KLHL15: variants seen among roughly 807,000 people sequenced by gnomAD.
KLHL15 encodes the protein kelch-like protein 15.
KLHL15 carries 1 observed loss-of-function variant against 29.3 expected under a neutral mutation model. The ratio of observed to expected loss-of-function variants is 0.03; its 90% CI spans 0.01 to 0.16. KLHL15 has a LOEUF of 0.16. KLHL15 is among the 10% of genes least tolerant of loss of function. The probability of loss-of-function intolerance (pLI) is 1.00; values close to 1 mark genes in which losing one functional copy is unlikely to be tolerated. For missense variants in KLHL15, 215 were observed against 478.5 expected, an observed-to-expected ratio of 0.45 and a Z score of 5.14; for synonymous variants, 212 against 184.5, an observed-to-expected ratio of 1.15 and a Z score of -1.21.
At position 24,006,012 on chromosome X, in the gene KLHL15, T is replaced by A. The variant is rs1336250388; in HGVS notation, c.682A>T (p.Thr228Ser). 1 of 1,209,789 alleles carries A rather than the reference T, an allele frequency of 8.3e-7. No individual in the cohort carries two copies. Among genetic ancestry groups the A allele is most frequent in the East Asian group, 3.0e-5 (1 of 33,840 alleles). ...IIQNIRFCLM[T>S]PTSVFEKVKT... ...ACCTTCTCAAAAACGCTGGTTGGGGTCATCAAGCAAAACCGGATATTCTGA... is the reference window on the plus strand; with the variant it reads ...ACCTTCTCAAAAACGCTGGTTGGGGACATCAAGCAAAACCGGATATTCTGA... Residue 228 changes from threonine (T) to serine (S), a missense_variant, in exon 3 of 4, where the codon ACC becomes TCC. Transcript: ENST00000328046.
Position 24,006,729 on chromosome X carries a change from A to G in KLHL15, c.-7-29T>C, listed in dbSNP as rs1929451509. The G allele has an allele frequency of 2.9e-6, 3 of 1,031,952 alleles. No individual in the cohort carries two copies. The East Asian group carries it at 9.6e-5, about 33-fold the overall frequency. 85.0% of individuals were successfully genotyped at this position (1,031,952 alleles called of 1,213,427 possible). ...GAAAAAAATCAAAGACAACAATGTT[A>G]AACACTTCCATGCATTCAGAAGAAA... On this transcript the variant is annotated intron_variant, in intron 2 of 3. Transcript: ENST00000328046.
At chrX:24,002,215 T>C (rs1199654839) in intron 3 of KLHL15, among the ~76,000 whole-genome samples, 1 of 112,289 alleles carries the variant, frequency 8.9e-6, no homozygotes, top group Non-Finnish European at 1.9e-5. Context: ...CATAAAATGT[T>C]TTCAATAAAA....
At chrX:24,024,792 G>A (rs1266735548) in intron 2 of KLHL15, 65 bp downstream of exon 2, 1 of 296,717 alleles carries the variant, frequency 3.4e-6, no homozygotes, top group Non-Finnish European at 5.9e-6. Flanking sequence ...GCGAATTCGT[G>A]CCTAGCTCGG....
intron 2 of KLHL15, among the ~76,000 whole-genome samples, chrX:24,016,368 A>AAGG (rs1555978285): frequency 1.3e-4 from 10 of 76,503 alleles, no homozygotes; most frequent in African/African-American, 6.3e-4. Flanking sequence ...AAAAAAAAAA[A>AAGG]GGGGGGGTAT....
rs1200665022 is a variant in KLHL15 at position 23,983,902 on chromosome X, T to G, written c.*4019A>C. On this transcript the variant is annotated 3_prime_UTR_variant, in exon 4 of 4. Transcript: ENST00000328046. Reference sequence around the variant, plus strand: ...ACAGGTATAAAAGGCAAACCTTAAATTATTCTAAGATTTTTATATCGGCCC... The same window carrying G: ...ACAGGTATAAAAGGCAAACCTTAAAGTATTCTAAGATTTTTATATCGGCCC... 9.0e-6 allele frequency: 1 copy of G among 111,595 alleles called. No homozygotes were observed. Among genetic ancestry groups the G allele is most frequent in the East Asian group, 2.8e-4 (1 of 3,591 alleles). 9.2% of individuals were successfully genotyped at this position (111,595 alleles called of 1,213,427 possible). A position where few individuals can be genotyped will look rare whatever the true frequency, so the allele number is the denominator to read the frequency against.
At chrX:24,008,957 C>T (rs1285424517) in intron 2 of KLHL15, among the ~76,000 whole-genome samples, 1 of 108,884 alleles carries the variant, frequency 9.2e-6, no homozygotes, top group Non-Finnish European at 1.9e-5. Flanking sequence ...TTCTATTGTT[C>T]TTTTTCTATA....
chrX:23,996,507 A>G (rs1014160123), intron 3 of KLHL15, among the ~76,000 whole-genome samples: 4 of 111,426 alleles, frequency 3.6e-5, no homozygotes, highest in Admixed American at 9.6e-5. Flanking sequence ...TACTAAAAAT[A>G]CAAAAATTAG....
Position 24,006,277 on chromosome X carries a change from G to C in KLHL15, c.417C>G (p.Leu139=), listed in dbSNP as rs773782694. The change falls in exon 3 of 4, where the codon CTC becomes CTG. Residue 139 remains leucine (L), a synonymous_variant. Coordinates refer to ENST00000328046, the MANE Select transcript of KLHL15 (RefSeq NM_030624.3). ...CGATGTTTACGCCGAAATCATCTAA[G>C]AGTCTCATAATTTCTGCACAATTTT... The part of the protein sequence containing the change: ...CLENCAEIMR[L]LDDFGVNIEG... 1.2e-5 allele frequency: 15 copies of C among 1,211,751 alleles called. No individual in the cohort carries two copies. Among genetic ancestry groups the C allele is most frequent in the Middle Eastern group, 4.6e-4 (2 of 4,354 alleles).
chrX:24,003,680 C>T (rs1279144568), intron 3 of KLHL15, among the ~76,000 whole-genome samples: 1 of 102,898 alleles, frequency 9.7e-6, no homozygotes, highest in Non-Finnish European at 2.0e-5. Flanking sequence ...TGTGTGTGTG[C>T]TCGTGTGCAC....
intron 2 of KLHL15, among the ~76,000 whole-genome samples, chrX:24,019,573 G>C (rs1373815531): frequency 9.0e-6 from 1 of 110,680 alleles, no homozygotes; most frequent in Non-Finnish European, 1.9e-5. Flanking sequence ...ATTTTTAAGA[G>C]TACAAATAAG....
rs750397605 is a variant in KLHL15, at chrX:24,021,643, T to C, written c.-8+3214A>G. 8.0e-5 allele frequency among the ~76,000 whole-genome samples: 9 copies of C among 111,951 alleles called. 2 individuals carry two copies. The Admixed American group carries it at 8.6e-4, about 11-fold the overall frequency. ...TAAATTTAATTCTCGCAACCTTCCA[T>C]GTTTTGTATCCATCCCCGACTTAAA... On this transcript the variant is annotated intron_variant, in intron 2 of 3. Transcript: ENST00000328046.
intron 2 of KLHL15, among the ~76,000 whole-genome samples, chrX:24,010,811 A>G (rs1195725069): frequency 9.0e-6 from 1 of 111,022 alleles, no homozygotes; most frequent in African/African-American, 3.3e-5. Flanking sequence ...CACTTGCTCT[A>G]CACCTCCTTC....
chrX:24,010,634 A>G (rs915583708), intron 2 of KLHL15, among the ~76,000 whole-genome samples: 2 of 111,919 alleles, frequency 1.8e-5, no homozygotes, highest in African/African-American at 6.5e-5. Context: ...AAACCACACT[A>G]GCCTAAAAGA....
intron 3 of KLHL15, 146 bp from the exon 4 acceptor site, chrX:23,989,176 C>G (rs1024872190): frequency 2.2e-6 from 1 of 463,654 alleles, no homozygotes; most frequent in Non-Finnish European, 3.4e-6. Flanking sequence ...TTGTTTTCTA[C>G]AAAGCTTTTA....
chrX:23,991,344 ACT>A (rs34541172), intron 3 of KLHL15, among the ~76,000 whole-genome samples: 15,687 of 82,440 alleles, frequency 0.19, 1,396 homozygotes, highest in South Asian at 0.57. Flanking sequence ...TAAGAACAAA[ACT>A]CTGTCTCAAA....
At position 23,988,666 on chromosome X, in the gene KLHL15, T is replaced by C. The variant is rs758413801; in HGVS notation, c.1070A>G (p.Asn357Ser). The C allele has an allele frequency of 8.3e-7, 1 of 1,210,962 alleles. No homozygotes were observed. The highest frequency in any genetic ancestry group is 1.1e-6 in the Non-Finnish European group (1 of 895,386). Residue 357 changes from asparagine to serine, a missense_variant, in exon 4 of 4, where the codon AAC (asparagine) becomes AGC (serine). Physicochemically the swap from Asn to Ser is conservative, Grantham distance 46. Transcript: ENST00000328046. The part of the protein sequence containing the change: ...SKVFRYDPRQ[N>S]SWLQMADMSV... ...CATATCTGCCATCTGCAGCCAGGAG[T>C]TCTGTCTCGGGTCATACCTGAATAC... is the stretch of plus-strand genomic sequence containing the variant.
Position 23,984,493 on chromosome X carries a change from C to T in KLHL15, c.*3428G>A, listed in dbSNP as rs1034212062. ...CACTAGCAGTTTTACTGCCATATAG[C>T]CCTCAATTATATCTGATTTACACTA... is the stretch of plus-strand genomic sequence containing the variant. On this transcript the variant is annotated 3_prime_UTR_variant, in exon 4 of 4. Transcript: ENST00000328046. 1 of 111,862 alleles carries T rather than the reference C, an allele frequency of 8.9e-6. No individual in the cohort carries two copies. The highest frequency in any genetic ancestry group is 3.2e-5 in the African/African-American group (1 of 30,892). 9.2% of individuals were successfully genotyped at this position (111,862 alleles called of 1,213,427 possible). A position where few individuals can be genotyped will look rare whatever the true frequency, so the allele number is the denominator to read the frequency against.
At chrX:23,998,826 ACT>A (rs1235078160) in intron 3 of KLHL15, among the ~76,000 whole-genome samples, 1 of 108,768 alleles carries the variant, frequency 9.2e-6, no homozygotes, top group Non-Finnish European at 1.9e-5. Flanking sequence ...TCATTTCCAG[ACT>A]CTCTGATCCT....
chrX:23,996,524 G>C (rs761380644), intron 3 of KLHL15, among the ~76,000 whole-genome samples: 1 of 111,214 alleles, frequency 9.0e-6, no homozygotes, highest in Non-Finnish European at 1.9e-5. Flanking sequence ...TTAGCTGGGC[G>C]TGGTGGGGGG....
Sources: allele counts gnomAD v4.1 joint callset (sites outside exome capture counted in the v4.1 genomes callset), GRCh38; gene constraint gnomAD v4.1.1; transcripts MANE v1.5; gene names NCBI Gene and HGNC (gene_info 2026-07-23, HGNC 2026-07-21).